The following ICE2 variants were observed in gnomAD, a reference collection of about 807,000 sequenced individuals.
ICE2 encodes little elongation complex subunit 2.
A neutral mutation model predicts 105.4 loss-of-function variants in ICE2; 87 were observed. The observed-to-expected ratio is 0.83, with a 90% CI of 0.69 to 0.99. ICE2 has a LOEUF of 0.99. Ranked by LOEUF, ICE2 falls within the 50% of genes least tolerant of loss-of-function variation. The pLI, the probability that ICE2 is intolerant of heterozygous loss-of-function variation, is 0.00. For missense variants in ICE2, 1,323 were observed against 1,146.7 expected (o/e 1.15, Z -2.22); for synonymous variants, 399 against 392.0 (o/e 1.02, Z -0.21).
At chr15:60,434,520 T>TACACACACACACAC (rs71122858) in intron 13 of ICE2, among the ~76,000 whole-genome samples, 18 of 144,928 alleles carry the variant, frequency 1.2e-4, no homozygotes, top group Admixed American at 3.4e-4. Flanking sequence ...AAAATGTGAT[T>TACACACACACACAC]ACACACACAC....
chr15:60,466,654 A>G lies in ICE2; in HGVS notation c.468T>C (p.Ser156=). The G allele has an allele frequency of 1.2e-6, 2 of 1,611,642 alleles. No homozygotes were observed. Among genetic ancestry groups the G allele is most frequent in the South Asian group, 1.1e-5 (1 of 90,912 alleles). The change falls in exon 5 of 16, where the codon TCT becomes TCC. Residue 156 remains serine (S), a synonymous_variant. Transcript: ENST00000261520. The stretch of plus-strand genomic sequence containing the variant: ...TATAATCCTGCGCACATTTCTTTGC[A>G]GAATTCTGCAAAAACTTTAGGAACT... ...VTEFLKFLQN[S]AKKCAQDYNM...
intron 3 of ICE2, among the ~76,000 whole-genome samples, chr15:60,468,804 G>A (rs2141147034): frequency 6.6e-6 from 1 of 152,232 alleles, no homozygotes; most frequent in South Asian, 2.1e-4. Flanking sequence ...GATTTCCTCT[G>A]CTTATCTCAA....
chr15:60,431,886 T>C (rs1430217323), intron 14 of ICE2, 48 bp downstream of exon 14: 2 of 1,039,758 alleles, frequency 1.9e-6, no homozygotes, highest in Admixed American at 4.2e-5. Flanking sequence ...AGAATTTTCA[T>C]CTAAGAAAAT....
chr15:60,453,815 T>C (rs1489029555), intron 8 of ICE2, 31 bp from the exon 9 acceptor site: 1 of 1,492,496 alleles, frequency 6.7e-7, no homozygotes, highest in South Asian at 1.2e-5. Context: ...AAAGAGGTGA[T>C]TAGTATCTAA....
chr15:60,435,431 C>T (rs1196675410), intron 13 of ICE2, among the ~76,000 whole-genome samples: 3 of 151,966 alleles, frequency 2.0e-5, no homozygotes, highest in Non-Finnish European at 4.4e-5. Flanking sequence ...GAAACCCTGT[C>T]TCTATTAAAA....
intron 5 of ICE2, among the ~76,000 whole-genome samples, chr15:60,464,682 T>TG (rs2064372721): frequency 7.4e-6 from 1 of 135,604 alleles, no homozygotes; most frequent in South Asian, 2.5e-4. Context: ...AAAGTGAGGA[T>TG]GGGGGATGGG....
intron 14 of ICE2, among the ~76,000 whole-genome samples, chr15:60,430,873 C>T (rs1325700693): frequency 6.6e-6 from 1 of 152,056 alleles, no homozygotes; most frequent in Non-Finnish European, 1.5e-5. Context: ...GTTCATTTAG[C>T]TCTATGTTCT....
At position 60,468,267 on chromosome 15, in the gene ICE2, C is replaced by T; in HGVS notation, c.202G>A (p.Val68Ile). Residue 68 changes from valine (V) to isoleucine (I), a missense_variant, in exon 4 of 16, where the codon GTT becomes ATT. Val to Ile is a conservative substitution (Grantham distance 29). Coordinates refer to ENST00000261520, the MANE Select transcript of ICE2 (RefSeq NM_024611.6). ...SASSVENEPA[V>I]SSATQAKEKV... ...TCCTTTGCTTGAGTTGCTGAACTAACTGCCGGCTCATTTTCTACAGAACTT... is the reference window on the plus strand; with the variant it reads ...TCCTTTGCTTGAGTTGCTGAACTAATTGCCGGCTCATTTTCTACAGAACTT... 1 of 1,613,230 alleles carries T rather than the reference C, an allele frequency of 6.2e-7. No homozygotes were observed. The highest frequency in any genetic ancestry group is 1.1e-5 in the South Asian group (1 of 91,054).
intron 3 of ICE2, among the ~76,000 whole-genome samples, chr15:60,473,729 CAAA>C (rs35118800): frequency 8.3e-5 from 12 of 144,184 alleles, no homozygotes; most frequent in African/African-American, 3.2e-4. Context: ...TAGTTATCCT[CAAA>C]AAACTTTACA....
rs1360443846 is a variant in ICE2 at position 60,448,833 on chromosome 15, T to C, written c.2119+15A>G. ...CAAGTAAAACACTGTAAGCTCTTTG[T>C]AAATATTTACTTACGTCCTTTTGGC... On this transcript the variant is annotated intron_variant, in intron 10 of 15. Coordinates refer to ENST00000261520, the MANE Select transcript of ICE2 (RefSeq NM_024611.6). 1.3e-6 allele frequency: 2 copies of C among 1,559,504 alleles called. No individual in the cohort carries two copies. The highest frequency in any genetic ancestry group is 1.7e-6 in the Non-Finnish European group (2 of 1,159,142).
intron 5 of ICE2, among the ~76,000 whole-genome samples, chr15:60,465,506 A>T (rs1299819910): frequency 6.6e-6 from 1 of 152,098 alleles, no homozygotes; most frequent in African/African-American, 2.4e-5. Context: ...AAACAGTGAA[A>T]GTGTAACACT....
chr15:60,424,971 G>C (rs1221445982), intron 15 of ICE2, among the ~76,000 whole-genome samples: 1 of 152,042 alleles, frequency 6.6e-6, no homozygotes, highest in Non-Finnish European at 1.5e-5. Context: ...ATTTTCCCTG[G>C]CCACCTTGTT....
intron 15 of ICE2, among the ~76,000 whole-genome samples, chr15:60,426,298 T>A (rs2140986560): frequency 6.6e-6 from 1 of 152,256 alleles, no homozygotes; most frequent in East Asian, 1.9e-4. Context: ...CTTGTCTACG[T>A]TTAGATATCC....
intron 9 of ICE2, chr15:60,452,723 G>T: frequency 3.8e-6 from 1 of 262,540 alleles, no homozygotes; most frequent in Non-Finnish European, 5.9e-6. Context: ...TACTCTAAAT[G>T]CTTTATATGT....
intron 3 of ICE2, among the ~76,000 whole-genome samples, chr15:60,470,045 G>T (rs983666962): frequency 4.6e-5 from 7 of 152,118 alleles, no homozygotes; most frequent in Admixed American, 4.6e-4. Flanking sequence ...ACAGAGGAAG[G>T]GAAACTAAAG....
At chr15:60,478,495 G>A (rs12914869) in intron 1 of ICE2, 96 of 183,544 alleles carry the variant, frequency 5.2e-4, no homozygotes, top group Admixed American at 9.4e-4. Flanking sequence ...AGGAATCTTA[G>A]GCCTTTCACA....
At chr15:60,443,985 T>C (rs2063772148) in intron 11 of ICE2, among the ~76,000 whole-genome samples, 1 of 151,812 alleles carries the variant, frequency 6.6e-6, no homozygotes, top group Admixed American at 6.6e-5. Context: ...CTTACAGTTC[T>C]AGTTACTCAG....
intron 12 of ICE2, chr15:60,439,823 C>G (rs1000645511): frequency 6.6e-6 from 1 of 152,168 alleles, no homozygotes; most frequent in Non-Finnish European, 1.5e-5. Flanking sequence ...GTCACTTGTT[C>G]ATCCTTTATG....
At chr15:60,475,722 ACTG>A (rs1278737216) in intron 3 of ICE2, among the ~76,000 whole-genome samples, 2 of 152,152 alleles carry the variant, frequency 1.3e-5, no homozygotes, top group East Asian at 3.8e-4. Flanking sequence ...TAAACAGTAT[ACTG>A]CTTAGTACTA....
Sources: gnomAD v4.1 joint callset for allele counts (sites outside exome capture counted in the v4.1 genomes callset) on GRCh38, gnomAD v4.1.1 for gene constraint, MANE v1.5 for transcripts, NCBI Gene and HGNC (gene_info 2026-07-23, HGNC 2026-07-21) for gene names.